TMEM108: variants seen among roughly 807,000 people sequenced by gnomAD.
TMEM108 encodes the protein transmembrane protein 108.
TMEM108 carries 12 observed loss-of-function variants against 35.1 expected under a neutral mutation model. The observed-to-expected ratio is 0.34, with a 90% CI of 0.22 to 0.55. The LOEUF (loss-of-function observed/expected upper bound fraction) is 0.55. Ranked by LOEUF, TMEM108 falls within the 20% of genes least tolerant of loss-of-function variation. TMEM108 has a pLI of 0.89. For missense variants in TMEM108, 680 were observed against 753.3 expected, an observed-to-expected ratio of 0.90 and a Z score of 1.14; for synonymous variants, 287 against 308.6, an observed-to-expected ratio of 0.93 and a Z score of 0.73.
chr3:133,378,195 C>G, intron 3 of TMEM108: 1 of 294,394 alleles, frequency 3.4e-6, no homozygotes, highest in South Asian at 1.3e-4. Flanking sequence ...CTAAAGTCCC[C>G]CGCAGCCTCC....
chr3:133,096,919 A>G (rs1297680328), intron 2 of TMEM108, among the ~76,000 whole-genome samples: 1 of 152,226 alleles, frequency 6.6e-6, no homozygotes, highest in South Asian at 2.1e-4. Context: ...GTTGGCCCCA[A>G]GAGGAAATGT....
chr3:133,391,142 T>TC (rs1183143956), intron 5 of TMEM108, among the ~76,000 whole-genome samples: 3 of 152,198 alleles, frequency 2.0e-5, no homozygotes, highest in Non-Finnish European at 4.4e-5. Context: ...AAAGTTTTGA[T>TC]CTTTGGGTGA....
At chr3:133,077,882 T>A (rs1214148706) in intron 2 of TMEM108, among the ~76,000 whole-genome samples, 1 of 152,150 alleles carries the variant, frequency 6.6e-6, no homozygotes, top group Non-Finnish European at 1.5e-5. Flanking sequence ...GGCTGACTCG[T>A]TTGCCTGTGT....
chr3:133,322,199 T>C (rs1250827371), intron 3 of TMEM108, among the ~76,000 whole-genome samples: 1 of 151,780 alleles, frequency 6.6e-6, no homozygotes, highest in Admixed American at 6.6e-5. Context: ...TTAAATAAAA[T>C]TGAAACAAAA....
At chr3:133,284,603 C>T (rs974123471) in intron 3 of TMEM108, among the ~76,000 whole-genome samples, 2 of 152,234 alleles carry the variant, frequency 1.3e-5, no homozygotes, top group African/African-American at 4.8e-5. Context: ...AATGATGAAT[C>T]CCAGCTCCCA....
chr3:133,159,742 A>G (rs1944934411), intron 2 of TMEM108, among the ~76,000 whole-genome samples: 4 of 152,216 alleles, frequency 2.6e-5, no homozygotes, highest in Admixed American at 1.3e-4. Context: ...CACAACTGTT[A>G]GTGGCAGATC....
chr3:133,174,377 TC>T (rs1191150889), intron 2 of TMEM108, among the ~76,000 whole-genome samples: 1 of 152,156 alleles, frequency 6.6e-6, no homozygotes, highest in Non-Finnish European at 1.5e-5. Context: ...GCAGACTGCC[TC>T]CTCAAGTGGG....
At chr3:133,190,989 C>T (rs764760781) in intron 2 of TMEM108, among the ~76,000 whole-genome samples, 25 of 150,332 alleles carry the variant, frequency 1.7e-4, no homozygotes, top group Non-Finnish European at 3.1e-4. Context: ...GCTGGTATTT[C>T]AATTAAATGG....
intron 1 of TMEM108, among the ~76,000 whole-genome samples, chr3:133,043,092 T>G (rs989251312): frequency 4.6e-5 from 7 of 152,348 alleles, no homozygotes; most frequent in African/African-American, 1.7e-4. Flanking sequence ...TGCTGTTTCC[T>G]GTAAGAAAAA....
At chr3:133,266,929 A>G (rs1322547872) in intron 3 of TMEM108, among the ~76,000 whole-genome samples, 5 of 150,972 alleles carry the variant, frequency 3.3e-5, no homozygotes, top group Non-Finnish European at 7.4e-5. Flanking sequence ...AAAAAAAAAA[A>G]AAAAGCCGGG....
intron 2 of TMEM108, among the ~76,000 whole-genome samples, chr3:133,213,629 A>C (rs1394479932): frequency 1.3e-5 from 2 of 152,322 alleles, no homozygotes; most frequent in East Asian, 3.9e-4. Flanking sequence ...CAAAATAAAA[A>C]ATGTACTTCT....
chr3:133,274,664 T>G (rs1946815338), intron 3 of TMEM108, among the ~76,000 whole-genome samples: 1 of 152,206 alleles, frequency 6.6e-6, no homozygotes, highest in South Asian at 2.1e-4. Flanking sequence ...CTGCCTCCTG[T>G]AGGAGAGCTG....
intron 2 of TMEM108, among the ~76,000 whole-genome samples, chr3:133,139,211 T>C (rs1559844853): frequency 2.0e-5 from 3 of 152,228 alleles, no homozygotes; most frequent in Non-Finnish European, 4.4e-5. Context: ...TGAATAGTGC[T>C]GCAATAAACA....
chr3:133,286,537 A>G (rs1188760973), intron 3 of TMEM108, among the ~76,000 whole-genome samples: 9 of 152,084 alleles, frequency 5.9e-5, no homozygotes, highest in African/African-American at 1.9e-4. Flanking sequence ...GACTCTCACT[A>G]TGTTGCCTAG....
chr3:133,302,859 TGCCTGCTCTCTGGTATAAGAA>T (rs1469806594), intron 3 of TMEM108, among the ~76,000 whole-genome samples: 6 of 152,164 alleles, frequency 3.9e-5, no homozygotes, highest in African/African-American at 1.4e-4. Flanking sequence ...ACGTGCACCA[TGCCTGCTCTCTGGTATAAGAA>T]GAGTAGTTGA....
At chr3:133,212,293 A>G (rs1337322597) in intron 2 of TMEM108, among the ~76,000 whole-genome samples, 1 of 152,202 alleles carries the variant, frequency 6.6e-6, no homozygotes, top group East Asian at 1.9e-4. Context: ...CGGATTTCTG[A>G]CTTTTCTTAA....
At chr3:133,075,671 A>G (rs546443590) in intron 2 of TMEM108, among the ~76,000 whole-genome samples, 6 of 152,172 alleles carry the variant, frequency 3.9e-5, no homozygotes, top group African/African-American at 1.4e-4. Context: ...TCTTTTTGAT[A>G]ATATCCATTC....
intron 3 of TMEM108, among the ~76,000 whole-genome samples, chr3:133,333,968 G>A (rs113693208): frequency 0.03 from 4,602 of 152,270 alleles, 207 homozygotes; most frequent in African/African-American, 0.097. Flanking sequence ...TCTGGGCTAT[G>A]TGGAAGTTCC....
At chr3:133,341,374 T>C (rs895181994) in intron 3 of TMEM108, among the ~76,000 whole-genome samples, 6 of 151,614 alleles carry the variant, frequency 4.0e-5, no homozygotes, top group Non-Finnish European at 5.9e-5. Context: ...CTATAAAACA[T>C]TAATGCAAGA....
Sources: gnomAD v4.1 joint callset for allele counts (sites outside exome capture counted in the v4.1 genomes callset) on GRCh38, gnomAD v4.1.1 for gene constraint, MANE v1.5 for transcripts, NCBI Gene and HGNC (gene_info 2026-07-23, HGNC 2026-07-21) for gene names.